PHF24: variants seen among roughly 807,000 people sequenced by gnomAD.
PHF24 encodes the protein Galpha inhibitory interacting protein.
PHF24 carries 25 observed loss-of-function variants against 42.6 expected under a neutral mutation model. That is an observed-to-expected ratio of 0.59 (90% CI 0.43 to 0.82). PHF24 has a LOEUF of 0.82. PHF24 is among the 40% of genes least tolerant of loss of function. PHF24 has a pLI of 0.00. For missense variants in PHF24, 470 were observed against 538.1 expected, an observed-to-expected ratio of 0.87 and a Z score of 1.25; for synonymous variants, 185 against 204.8, an observed-to-expected ratio of 0.90 and a Z score of 0.83.
the PHF24 span, among the ~76,000 whole-genome samples, chr9:34,912,627 G>A: frequency 1.3e-5 from 2 of 152,178 alleles, no homozygotes; most frequent in Non-Finnish European, 2.9e-5. Flanking sequence ...GACCCAAACA[G>A]CATAGCAAAT....
intron 2 of PHF24, among the ~76,000 whole-genome samples, chr9:34,972,069 G>A (rs2132905783): frequency 6.6e-6 from 1 of 152,300 alleles, no homozygotes; most frequent in East Asian, 1.9e-4. Context: ...TAAATGTCCT[G>A]CAATGCCTGG....
At chr9:34,898,618 A>G in the PHF24 span, among the ~76,000 whole-genome samples, 6 of 152,362 alleles carry the variant, frequency 3.9e-5, no homozygotes, top group Middle Eastern at 3.4e-3. Flanking sequence ...ACAAAAATCA[A>G]TTAAAAGGCA....
chr9:34,835,642 A>C, the PHF24 span: 1 of 1,550,884 alleles, frequency 6.4e-7, no homozygotes, highest in African/African-American at 1.4e-5. Flanking sequence ...TGAAGAAGCT[A>C]TGGTGTTTGG....
chr9:34,931,824 TAACA>T, the PHF24 span, among the ~76,000 whole-genome samples: 2 of 152,128 alleles, frequency 1.3e-5, no homozygotes, highest in East Asian at 1.9e-4. Flanking sequence ...GAGAATGGAC[TAACA>T]AACACACTAG....
the PHF24 span, among the ~76,000 whole-genome samples, chr9:34,952,601 T>C: frequency 6.6e-6 from 1 of 152,154 alleles, no homozygotes. Flanking sequence ...ACACTACTGA[T>C]TTTAAGACTT....
the PHF24 span, among the ~76,000 whole-genome samples, chr9:34,944,888 T>TAA: frequency 1.4e-3 from 202 of 144,916 alleles, no homozygotes; most frequent in Middle Eastern, 0.014. Context: ...ACTTGTCTCT[T>TAA]TAAAAAAAAA....
the PHF24 span, among the ~76,000 whole-genome samples, chr9:34,772,506 T>C: frequency 1.3e-5 from 2 of 152,160 alleles, no homozygotes; most frequent in African/African-American, 4.8e-5. Flanking sequence ...TGTGTATTCA[T>C]ACAAGATATA....
the PHF24 span, chr9:34,709,060 AG>A: frequency 2.5e-6 from 1 of 394,548 alleles, no homozygotes; most frequent in Non-Finnish European, 4.5e-6. Flanking sequence ...CATATTTACA[AG>A]GAAGAGGTGG....
the PHF24 span, chr9:34,833,282 A>T: frequency 2.6e-6 from 4 of 1,551,136 alleles, no homozygotes; most frequent in Non-Finnish European, 3.5e-6. Flanking sequence ...AACACAAGGC[A>T]TGTGGGCCTC....
chr9:34,730,770 A>C, the PHF24 span, among the ~76,000 whole-genome samples: 7 of 152,346 alleles, frequency 4.6e-5, no homozygotes, highest in Admixed American at 4.6e-4. Context: ...GTTAAGTTTA[A>C]CAGTGCAGGT....
chr9:34,927,759 A>G, the PHF24 span, among the ~76,000 whole-genome samples: 1 of 151,392 alleles, frequency 6.6e-6, no homozygotes, highest in Non-Finnish European at 1.5e-5. Flanking sequence ...CCCCCACCAC[A>G]CTCCACCACT....
At chr9:34,690,921 C>A in the PHF24 span, among the ~76,000 whole-genome samples, 1 of 152,198 alleles carries the variant, frequency 6.6e-6, no homozygotes, top group Non-Finnish European at 1.5e-5. Flanking sequence ...GACACCCACA[C>A]TTACAGGCAC....
chr9:34,796,410 T>A, the PHF24 span, among the ~76,000 whole-genome samples: 1 of 112,154 alleles, frequency 8.9e-6, no homozygotes, highest in Non-Finnish European at 2.2e-5. Context: ...CAAAAGACAT[T>A]GTTAAAAAAT....
chr9:34,859,797 TTTA>T, the PHF24 span, among the ~76,000 whole-genome samples: 1 of 152,182 alleles, frequency 6.6e-6, no homozygotes, highest in African/African-American at 2.4e-5. Flanking sequence ...CAGTGTCCCA[TTTA>T]TTATGATGTT....
chr9:34,865,534 A>G, the PHF24 span, among the ~76,000 whole-genome samples: 1 of 152,214 alleles, frequency 6.6e-6, no homozygotes, highest in Non-Finnish European at 1.5e-5. Context: ...ACTGTACTCC[A>G]GCCTGAGTGA....
the PHF24 span, among the ~76,000 whole-genome samples, chr9:34,897,592 G>T: frequency 1.3e-5 from 2 of 152,150 alleles, no homozygotes; most frequent in South Asian, 4.1e-4. Flanking sequence ...ATTAGCACAA[G>T]GGTTTCTTTT....
the PHF24 span, among the ~76,000 whole-genome samples, chr9:34,784,939 G>T: frequency 3.3e-5 from 5 of 152,146 alleles, no homozygotes; most frequent in African/African-American, 1.2e-4. Context: ...CAAGTGTTTG[G>T]TTTTAATTTA....
At chr9:34,682,150 A>ATTTTTTTTT in the PHF24 span, among the ~76,000 whole-genome samples, 117 of 93,042 alleles carry the variant, frequency 1.3e-3, no homozygotes, top group Non-Finnish European at 1.6e-3. Context: ...AATTATTTCT[A>ATTTTTTTTT]TTTTTTTTTT....
chr9:34,847,031 C>T, the PHF24 span, among the ~76,000 whole-genome samples: 2 of 152,122 alleles, frequency 1.3e-5, no homozygotes, highest in Non-Finnish European at 2.9e-5. Flanking sequence ...AGTCAGGTAG[C>T]GTGATGCCTC....
Sources: allele counts gnomAD v4.1 joint callset (sites outside exome capture counted in the v4.1 genomes callset), GRCh38; gene constraint gnomAD v4.1.1; transcripts MANE v1.5; gene names NCBI Gene and HGNC (gene_info 2026-07-23, HGNC 2026-07-21).